The following NPAS3 variants were observed in gnomAD, a reference collection of about 807,000 sequenced individuals.
NPAS3 encodes the protein neuronal PAS domain-containing protein 3.
NPAS3 carries 14 observed loss-of-function variants against 73.1 expected under a neutral mutation model. The observed-to-expected ratio is 0.19, with a 90% confidence interval of 0.13 to 0.30. NPAS3 has a LOEUF of 0.30. NPAS3 is among the 10% of genes least tolerant of loss of function. The pLI is 1.00. For missense variants in NPAS3, 1,096 were observed against 1,250.0 expected (o/e 0.88, Z 1.86); for synonymous variants, 620 against 541.5 (o/e 1.14, Z -2.01).
At chr14:33,118,963 G>T (rs1022946075) in intron 2 of NPAS3, among the ~76,000 whole-genome samples, 6 of 151,672 alleles carry the variant, frequency 4.0e-5, no homozygotes, top group African/African-American at 1.5e-4. Context: ...TGTGCCTAAA[G>T]TTTAACCATA....
chr14:33,105,159 T>C (rs1376546174), intron 2 of NPAS3, among the ~76,000 whole-genome samples: 1 of 152,192 alleles, frequency 6.6e-6, no homozygotes, highest in Non-Finnish European at 1.5e-5. Context: ...AATTGGATTA[T>C]AGTCATGTTT....
At chr14:33,765,500 C>T (rs569778757) in intron 7 of NPAS3, among the ~76,000 whole-genome samples, 8 of 152,150 alleles carry the variant, frequency 5.3e-5, no homozygotes, top group South Asian at 2.1e-4. Context: ...CACTGTGGTG[C>T]GGCCACTGAG....
intron 5 of NPAS3, among the ~76,000 whole-genome samples, chr14:33,621,912 A>G (rs1203173078): frequency 2.6e-5 from 4 of 152,168 alleles, no homozygotes; most frequent in African/African-American, 9.7e-5. Flanking sequence ...TGTAATGGAG[A>G]GTAATTTGAA....
At chr14:33,473,129 C>T (rs2050862328) in intron 4 of NPAS3, among the ~76,000 whole-genome samples, 1 of 152,096 alleles carries the variant, frequency 6.6e-6, no homozygotes. Flanking sequence ...CCTGAGAATA[C>T]CACATTGTCA....
intron 5 of NPAS3, chr14:33,578,341 G>A (rs2056529916): frequency 2.5e-6 from 1 of 406,180 alleles, no homozygotes; most frequent in South Asian, 1.9e-5. Context: ...TTACAGGCAT[G>A]TACTACCACA....
At chr14:33,580,348 T>C (rs2056613403) in intron 5 of NPAS3, among the ~76,000 whole-genome samples, 1 of 152,058 alleles carries the variant, frequency 6.6e-6, no homozygotes, top group African/African-American at 2.4e-5. Flanking sequence ...TAAAAAAAAA[T>C]CATTGTTTGC....
chr14:33,673,396 T>C (rs540399332), intron 5 of NPAS3, among the ~76,000 whole-genome samples: 2 of 152,162 alleles, frequency 1.3e-5, no homozygotes, highest in Non-Finnish European at 2.9e-5. Context: ...AATTAGTACT[T>C]TTTGCACATA....
At position 33,800,387 on chromosome 14, in the gene NPAS3, C is replaced by G; in HGVS notation, c.2080C>G (p.Pro694Ala). ...CCCCAGCTCTGAGCACTTCCCGTCC[C>G]CGCAGGGCGGCGGCGGTGGGGGTGG... Residue 694 changes from proline to alanine, a missense_variant, in exon 12 of 12, where the codon CCG becomes GCG. Coordinates refer to ENST00000356141, the Ensembl canonical transcript of NPAS3. This position sits in a 1 kb window ranked among gnomAD's most constrained non-coding sequence, Gnocchi z 6.5. 1 of 1,606,520 alleles carries G rather than the reference C, an allele frequency of 6.2e-7. No homozygotes were observed. Among genetic ancestry groups the G allele is most frequent in the Non-Finnish European group, 8.5e-7 (1 of 1,177,794 alleles).
intron 3 of NPAS3, among the ~76,000 whole-genome samples, chr14:33,298,720 G>A (rs1299353328): frequency 6.6e-6 from 1 of 152,112 alleles, no homozygotes; most frequent in African/African-American, 2.4e-5. Context: ...TAATGTATAA[G>A]GGGAAATTCG....
intron 7 of NPAS3, among the ~76,000 whole-genome samples, chr14:33,754,574 A>G (rs1240973667): frequency 1.3e-5 from 2 of 152,144 alleles, no homozygotes; most frequent in African/African-American, 2.4e-5. Context: ...TGTGCAGGCA[A>G]TATTTTATGA....
At chr14:33,661,200 C>G (rs2059297196) in intron 5 of NPAS3, among the ~76,000 whole-genome samples, 1 of 151,724 alleles carries the variant, frequency 6.6e-6, no homozygotes, top group Admixed American at 6.6e-5. Flanking sequence ...ATAGAAGAAG[C>G]TGACATTTTT....
chr14:33,425,234 G>A lies in NPAS3; in HGVS notation c.468+57966G>A, dbSNP rs570351768. Among the ~76,000 whole-genome samples the A allele has an allele frequency of 2.0e-3, 299 of 152,046 alleles. 1 individual carries two copies. The highest frequency in any genetic ancestry group is 3.5e-3 in the Non-Finnish European group (237 of 67,932). ...AAGGCATATTGAAATGGATTGATGC[G>A]CCAATAGGAGATAAGGAGATGGAGG... is the stretch of plus-strand genomic sequence containing the variant. On this transcript the variant is annotated intron_variant, in intron 4 of 11. Transcript: ENST00000356141.
At chr14:33,248,969 T>C (rs892044881) in intron 3 of NPAS3, among the ~76,000 whole-genome samples, 6 of 152,224 alleles carry the variant, frequency 3.9e-5, no homozygotes, top group African/African-American at 1.2e-4. Context: ...TTTCAGGAGT[T>C]GGGTTATGTT....
At chr14:33,799,003 C>T (rs1488663794) in intron 11 of NPAS3, among the ~76,000 whole-genome samples, 2 of 134,152 alleles carry the variant, frequency 1.5e-5, no homozygotes, top group East Asian at 2.3e-4. Context: ...AAATCAGCCA[C>T]GTGTGGTGGT....
At chr14:33,112,843 A>G (rs995229829) in intron 2 of NPAS3, among the ~76,000 whole-genome samples, 2 of 152,184 alleles carry the variant, frequency 1.3e-5, no homozygotes, top group African/African-American at 2.4e-5. Flanking sequence ...TAATTTTTGT[A>G]TAAGGTGTAA....
At chr14:33,078,296 C>T (rs2041740699) in intron 2 of NPAS3, among the ~76,000 whole-genome samples, 1 of 152,132 alleles carries the variant, frequency 6.6e-6, no homozygotes. Flanking sequence ...AACACATTTT[C>T]CTTCGTAATA....
chr14:33,801,640 T>C (rs978292116), downstream of NPAS3: 76 of 152,546 alleles, frequency 5.0e-4, no homozygotes, highest in African/African-American at 1.7e-3. Flanking sequence ...AATTTAATTC[T>C]CTTTTTACGG....
At chr14:33,369,884 G>A (rs1421755508) in intron 4 of NPAS3, among the ~76,000 whole-genome samples, 3 of 152,084 alleles carry the variant, frequency 2.0e-5, no homozygotes, top group Non-Finnish European at 2.9e-5. Flanking sequence ...CAACAATATC[G>A]CAATGTTCAG....
chr14:33,322,224 T>C (rs927517197), intron 3 of NPAS3, among the ~76,000 whole-genome samples: 4 of 152,284 alleles, frequency 2.6e-5, no homozygotes, highest in African/African-American at 9.6e-5. Flanking sequence ...CTTCAGTGAA[T>C]TGGAGTGCCA....
Sources: gnomAD v4.1 joint callset for allele counts (sites outside exome capture counted in the v4.1 genomes callset) on GRCh38, gnomAD v4.1.1 for gene constraint, Gnocchi (gnomAD v3.1) non-coding constraint, MANE v1.5 for transcripts, NCBI Gene and HGNC (gene_info 2026-07-23, HGNC 2026-07-21) for gene names.